The following WDPCP variants were observed in gnomAD, a reference collection of about 807,000 sequenced individuals.
The protein encoded by WDPCP is WD repeat containing planar cell polarity effector, also known as WD repeat-containing and planar cell polarity effector protein fritz homolog.
WDPCP carries 71 observed loss-of-function variants against 93.1 expected under a neutral mutation model. That is an observed-to-expected ratio of 0.76 (90% confidence interval 0.63 to 0.93). WDPCP has a LOEUF of 0.93. Among genes scored for constraint, WDPCP ranks in the 40% least tolerant of loss-of-function variants. WDPCP has a pLI of 0.00. For missense variants in WDPCP, 844 were observed against 887.4 expected, an observed-to-expected ratio of 0.95 and a Z score of 0.62; for synonymous variants, 315 against 315.0, an observed-to-expected ratio of 1.00 and a Z score of 0.00.
intron 12 of WDPCP, among the ~76,000 whole-genome samples, chr2:63,353,900 T>G (rs1689814467): frequency 6.6e-6 from 1 of 152,082 alleles, no homozygotes; most frequent in Non-Finnish European, 1.5e-5. Context: ...AACTGTTATA[T>G]GTGGTTGCCC....
chr2:63,332,516 T>G (rs529614758), intron 12 of WDPCP, among the ~76,000 whole-genome samples: 1 of 152,298 alleles, frequency 6.6e-6, no homozygotes, highest in South Asian at 2.1e-4. Flanking sequence ...ATGTGCTACC[T>G]AGACATCCAT....
At chr2:63,273,829 A>ATG (rs1553588994) in intron 13 of WDPCP, among the ~76,000 whole-genome samples, 119,284 of 150,168 alleles carry the variant, frequency 0.79, 47,936 homozygotes, top group African/African-American at 0.93. Flanking sequence ...ACACACACGC[A>ATG]CACACACACA....
chr2:63,182,029 T>C lies in WDPCP; in HGVS notation c.1916-7197A>G, dbSNP rs1330207982. ...TACACCAATTTCATATTCTGAAACT[T>C]TACTGAACTTATGAAATCTGGGAGT... is the stretch of plus-strand genomic sequence containing the variant. On this transcript the variant is annotated intron_variant, in intron 14 of 17. Transcript: ENST00000272321. Among the ~76,000 whole-genome samples, 3 of 152,024 alleles carry C rather than the reference T, an allele frequency of 2.0e-5. No homozygotes were observed. The East Asian group carries it at 5.8e-4, about 29-fold the overall frequency.
chr2:63,527,759 G>T (rs1402226350), intron 1 of WDPCP, among the ~76,000 whole-genome samples: 1 of 151,908 alleles, frequency 6.6e-6, no homozygotes, highest in Non-Finnish European at 1.5e-5. Context: ...TGGGTCAAAT[G>T]GTATTTCTAG....
At chr2:63,728,352 C>CG (rs1558896266) in intron 2 of WDPCP, among the ~76,000 whole-genome samples, 1 of 152,086 alleles carries the variant, frequency 6.6e-6, no homozygotes, top group Non-Finnish European at 1.5e-5. Flanking sequence ...AGGACCTGGA[C>CG]GAGGGTGAGA....
chr2:63,500,716 A>G (rs1273085982), intron 1 of WDPCP, among the ~76,000 whole-genome samples: 1 of 152,216 alleles, frequency 6.6e-6, no homozygotes, highest in African/African-American at 2.4e-5. Flanking sequence ...CCCCACCTGC[A>G]AAAACAGGGA....
intron 14 of WDPCP, among the ~76,000 whole-genome samples, chr2:63,183,968 T>C (rs1324943444): frequency 6.6e-6 from 1 of 152,156 alleles, no homozygotes; most frequent in Non-Finnish European, 1.5e-5. Flanking sequence ...TTTCTGTTTG[T>C]GCAGGAGATC....
chr2:63,501,689 T>TCACTGAAACTTC (rs1553413218), intron 1 of WDPCP, among the ~76,000 whole-genome samples: 1 of 152,128 alleles, frequency 6.6e-6, no homozygotes, highest in East Asian at 1.9e-4. Context: ...CGATCTCAGC[T>TCACTGAAACTTC]CACTGCAACT....
intron 9 of WDPCP, among the ~76,000 whole-genome samples, chr2:63,430,545 TTC>T (rs1696665698): frequency 6.6e-6 from 1 of 152,224 alleles, no homozygotes; most frequent in African/African-American, 2.4e-5. Flanking sequence ...AAAGAATTTT[TTC>T]TTAGACTACA....
intron 12 of WDPCP, among the ~76,000 whole-genome samples, chr2:63,319,578 A>T (rs1686930105): frequency 6.6e-6 from 1 of 152,208 alleles, no homozygotes; most frequent in Non-Finnish European, 1.5e-5. Flanking sequence ...TCCTGGGTTC[A>T]CACCATTCTC....
At chr2:63,329,291 CTG>C (rs1687803334) in intron 12 of WDPCP, among the ~76,000 whole-genome samples, 1 of 152,054 alleles carries the variant, frequency 6.6e-6, no homozygotes, top group Admixed American at 6.6e-5. Flanking sequence ...TCATATTTGT[CTG>C]CTGTTCCTGG....
intron 6 of WDPCP, among the ~76,000 whole-genome samples, chr2:63,481,104 A>T (rs1248356008): frequency 6.6e-6 from 1 of 152,210 alleles, no homozygotes; most frequent in Non-Finnish European, 1.5e-5. Context: ...TTTTCAAAAG[A>T]AGATATACAA....
chr2:63,779,129 A>G (rs1327335796), intron 2 of WDPCP, among the ~76,000 whole-genome samples: 1 of 152,196 alleles, frequency 6.6e-6, no homozygotes, highest in Admixed American at 6.5e-5. Flanking sequence ...TTGAGGGGAC[A>G]GGCTCAATAG....
At chr2:63,579,048 G>A (rs997562911) in intron 1 of WDPCP, among the ~76,000 whole-genome samples, 2 of 152,116 alleles carry the variant, frequency 1.3e-5, no homozygotes, top group Non-Finnish European at 1.5e-5. Context: ...ATCTGAGGTG[G>A]TCTCTGTTCC....
At chr2:63,419,544 C>T (rs1454202101) in intron 9 of WDPCP, among the ~76,000 whole-genome samples, 1 of 152,134 alleles carries the variant, frequency 6.6e-6, no homozygotes, top group East Asian at 1.9e-4. Context: ...TGAAATGATT[C>T]ATTTTCATTT....
intron 2 of WDPCP, among the ~76,000 whole-genome samples, chr2:63,702,749 T>A (rs1045143627): frequency 5.9e-5 from 9 of 151,854 alleles, no homozygotes; most frequent in Non-Finnish European, 1.3e-4. Context: ...ACTTTAAGTT[T>A]TAGGGTACAT....
intron 1 of WDPCP, among the ~76,000 whole-genome samples, chr2:63,515,503 G>A (rs956223898): frequency 2.0e-5 from 3 of 152,180 alleles, no homozygotes; most frequent in South Asian, 2.1e-4. Flanking sequence ...GTGAGGTGTT[G>A]TTAACCTCTC....
At chr2:63,296,415 A>G (rs946048651) in intron 13 of WDPCP, among the ~76,000 whole-genome samples, 2 of 152,168 alleles carry the variant, frequency 1.3e-5, no homozygotes, top group Admixed American at 6.5e-5. Context: ...CAGCACTACT[A>G]TTCAACATAA....
At chr2:63,297,922 T>A (rs2103688611) in intron 13 of WDPCP, among the ~76,000 whole-genome samples, 1 of 152,262 alleles carries the variant, frequency 6.6e-6, no homozygotes, top group Non-Finnish European at 1.5e-5. Context: ...ATAGCATGAT[T>A]GGTATCATTA....
Sources: allele counts gnomAD v4.1 joint callset (sites outside exome capture counted in the v4.1 genomes callset), GRCh38; gene constraint gnomAD v4.1.1; transcripts MANE v1.5; gene names NCBI Gene and HGNC (gene_info 2026-07-23, HGNC 2026-07-21).